Variants in SAMD11 observed in about 807,000 individuals in gnomAD.
SAMD11 encodes the protein sterile alpha motif domain-containing protein 11.
A neutral mutation model predicts 64.4 loss-of-function variants in SAMD11; 77 were observed. That is an observed-to-expected ratio of 1.20 (90% CI 0.99 to 1.44). The LOEUF (loss-of-function observed/expected upper bound fraction) is 1.44. SAMD11 is among the 40% of genes most tolerant of loss of function. The pLI is 0.00. For missense variants in SAMD11, 1,402 were observed against 943.3 expected, an observed-to-expected ratio of 1.49 and a Z score of -6.37; for synonymous variants, 658 against 421.9, an observed-to-expected ratio of 1.56 and a Z score of -6.86.
chr1:942,660 A>T lies in SAMD11; in HGVS notation c.1655A>T (p.Glu552Val). 1 of 1,432,564 alleles carries T rather than the reference A, an allele frequency of 7.0e-7. No homozygotes were observed. The highest frequency in any genetic ancestry group is 9.1e-7 in the Non-Finnish European group (1 of 1,100,582). 88.7% of individuals were successfully genotyped at this position (1,432,564 alleles called of 1,614,324 possible). The change falls in exon 11 of 14, where the codon GAG becomes GTG. Residue 552 changes from glutamate to valine, a missense_variant. Transcript: ENST00000616016. ...GCCCTGCGCCCCAACGACGGCGCCGAGGAGCTGCAGCGGCGCGGGGCCCTG... is the reference window on the plus strand; with the variant it reads ...GCCCTGCGCCCCAACGACGGCGCCGTGGAGCTGCAGCGGCGCGGGGCCCTG... ...ETALRPNDGA[E>V]ELQRRGALLV...
chr1:944,555 A>T lies in SAMD11; in HGVS notation c.*402A>T, dbSNP rs747146693. On this transcript the variant is annotated 3_prime_UTR_variant, in exon 14 of 14. Transcript: ENST00000616016. Reference sequence around the variant, plus strand: ...CGATACGTTTGGTCTTTCATGCTGAAAAATAAATAATAAAGCCTGTCCCGT... The same window carrying T: ...CGATACGTTTGGTCTTTCATGCTGATAAATAAATAATAAAGCCTGTCCCGT... 4.7e-6 allele frequency: 3 copies of T among 634,706 alleles called. No individual in the cohort carries two copies. Among genetic ancestry groups the T allele is most frequent in the Non-Finnish European group, 8.0e-6 (3 of 375,268 alleles). The allele number at this position is 634,706 out of a possible 1,614,324, so 39.3% of individuals were successfully genotyped here. A position where few individuals can be genotyped will look rare whatever the true frequency, so the allele number is the denominator to read the frequency against.
rs953404644 is a variant in SAMD11, at chr1:924,416, G to C, written c.-16G>C. ...GCCGCCGGCGGAGAGCGGGGCTGCGGAGCCACCGGGGCGCCATGCCGGCGG... is the reference window on the plus strand; with the variant it reads ...GCCGCCGGCGGAGAGCGGGGCTGCGCAGCCACCGGGGCGCCATGCCGGCGG... On this transcript the variant is annotated 5_prime_UTR_variant, in exon 1 of 14. Transcript: ENST00000616016. The C allele has an allele frequency of 1.3e-5, 2 of 149,628 alleles. No homozygotes were observed. The highest frequency in any genetic ancestry group is 3.0e-5 in the Non-Finnish European group (2 of 67,002). 9.3% of individuals were successfully genotyped at this position (149,628 alleles called of 1,614,324 possible). A position where few individuals can be genotyped will look rare whatever the true frequency, so the allele number is the denominator to read the frequency against.
chr1:942,273 C>T (rs770634724), intron 9 of SAMD11, 22 bp downstream of exon 9: 6 of 1,058,588 alleles, frequency 5.7e-6, no homozygotes, highest in Admixed American at 3.8e-5. Flanking sequence ...GGTGCGCATC[C>T]CCTGGGAGCC....
intron 9 of SAMD11, 24 bp downstream of exon 9, chr1:942,275 C>A: frequency 9.3e-7 from 1 of 1,070,450 alleles, no homozygotes; most frequent in Non-Finnish European, 1.3e-6. Flanking sequence ...TGCGCATCCC[C>A]TGGGAGCCCG....
intron 2 of SAMD11, among the ~76,000 whole-genome samples, chr1:928,128 G>T (rs7410984): frequency 0.19 from 28,748 of 151,984 alleles, 4,159 homozygotes; most frequent in African/African-American, 0.4. Context: ...GTGTGGTGGC[G>T]CATGCCTGTA....
In SAMD11 at chr1:943,979, C is replaced by T. The variant is rs1387217327; in HGVS notation, c.2361C>T (p.Thr787=). The T allele has an allele frequency of 1.9e-6, 3 of 1,612,824 alleles. No homozygotes were observed. The highest frequency in any genetic ancestry group is 1.3e-5 in the African/African-American group (1 of 75,062). Residue 787 remains threonine, a synonymous_variant, in exon 14 of 14, where the codon ACC becomes ACT. Coordinates refer to ENST00000616016, the MANE Select transcript of SAMD11 (RefSeq NM_001385641.1). ...FPVALPLQPP[T]LRAPERELGT... ...TGGCTCTGCCACTGCAGCCACCAACCCTGCGGGCCCCGGAGCGAGAACTCG... is the reference window on the plus strand; with the variant it reads ...TGGCTCTGCCACTGCAGCCACCAACTCTGCGGGCCCCGGAGCGAGAACTCG...
chr1:944,435 G>A lies in SAMD11; in HGVS notation c.*282G>A. Reference sequence around the variant, plus strand: ...CTGGAACTGGGACTGGTCTCGGTCTGCTGACGTCAGGGTCAGCTCCCCCGC... The same window carrying A: ...CTGGAACTGGGACTGGTCTCGGTCTACTGACGTCAGGGTCAGCTCCCCCGC... On this transcript the variant is annotated 3_prime_UTR_variant, in exon 14 of 14. Transcript: ENST00000616016. 3.9e-6 allele frequency: 4 copies of A among 1,013,080 alleles called. No individual in the cohort carries two copies. The highest frequency in any genetic ancestry group is 4.1e-5 in the South Asian group (2 of 48,444). 62.8% of individuals were successfully genotyped at this position (1,013,080 alleles called of 1,614,324 possible). A position where few individuals can be genotyped will look rare whatever the true frequency, so the allele number is the denominator to read the frequency against.
At chr1:939,922 C>T (rs576396306) in intron 7 of SAMD11, among the ~76,000 whole-genome samples, 1 of 152,242 alleles carries the variant, frequency 6.6e-6, no homozygotes, top group East Asian at 2.0e-4. Context: ...GGGGCTGCCC[C>T]TTCCCCCGGG....
rs547912043 is a variant in SAMD11 at position 943,952 on chromosome 1, C to A, written c.2334C>A (p.Pro778=). Residue 778 remains proline (P), a synonymous_variant, in exon 14 of 14, where the codon CCC becomes CCA. Transcript: ENST00000616016. ...LGRVFYVASF[P]VALPLQPPTL... ...GAGTTTTCTACGTGGCCAGCTTCCC[C>A]GTGGCTCTGCCACTGCAGCCACCAA... The A allele has an allele frequency of 5.0e-6, 8 of 1,612,682 alleles. No individual in the cohort carries two copies. Among genetic ancestry groups the A allele is most frequent in the African/African-American group, 1.3e-5 (1 of 75,028 alleles).
intron 5 of SAMD11, among the ~76,000 whole-genome samples, 194 bp downstream of exon 5, chr1:936,090 T>TCCGCTGTGGCTG (rs1339948392): frequency 6.6e-6 from 1 of 152,192 alleles, no homozygotes; most frequent in South Asian, 2.1e-4. Context: ...AGGCGGTGGC[T>TCCGCTGTGGCTG]CCGCTGTGGC....
rs770278990 is a variant in SAMD11, at chr1:943,906, A to C, written c.2290-2A>C. 1 of 1,612,836 alleles carries C rather than the reference A, an allele frequency of 6.2e-7. No homozygotes were observed. Among genetic ancestry groups the C allele is most frequent in the Admixed American group, 1.7e-5 (1 of 60,018 alleles). ...AGCCCCCACCAGGCCATCTCTCTGC[A>C]GGTGGCCAGGCGCCTGGGCCGAGTT... On this transcript the variant is annotated splice_acceptor_variant, in intron 13 of 13. Transcript: ENST00000616016. LOFTEE classifies it high-confidence loss of function.
Position 939,400 on chromosome 1 carries a change from C to T in SAMD11, c.1183C>T (p.Leu395Phe), listed in dbSNP as rs1444022291. 1.4e-6 allele frequency: 2 copies of T among 1,442,126 alleles called. No homozygotes were observed. 89.3% of individuals were successfully genotyped at this position (1,442,126 alleles called of 1,614,324 possible). ...CCCTCAGCGCCTCTACCACCTGGGC[C>T]TCCCCAGCCACGGTGAGGACCCACC... ...EDPQRLYHLG[L>F]PSHDLLRVRQ... Residue 395 changes from leucine (L) to phenylalanine (F), a missense_variant, in exon 7 of 14, where the codon CTC (leucine) becomes TTC (phenylalanine). Leu to Phe is a conservative substitution (Grantham distance 22). Transcript: ENST00000616016.
In SAMD11 at chr1:943,069, C is replaced by G. The variant is rs1322070717; in HGVS notation, c.2053+11C>G. The G allele has an allele frequency of 2.0e-6, 3 of 1,537,910 alleles. No individual in the cohort carries two copies. The highest frequency in any genetic ancestry group is 2.6e-6 in the Non-Finnish European group (3 of 1,142,884). On this transcript the variant is annotated intron_variant, in intron 11 of 13. Coordinates refer to ENST00000616016, the MANE Select transcript of SAMD11 (RefSeq NM_001385641.1). ...CCTACTTCCACACAGGTGGGCACCC[C>G]CACACTCTAGATCCTTCCAGAGGGC...
At chr1:940,540 C>G (rs1046126418) in intron 7 of SAMD11, 1 of 152,384 alleles carries the variant, frequency 6.6e-6, no homozygotes, top group Non-Finnish European at 1.5e-5. Flanking sequence ...TCGGGAGGCC[C>G]GGGCGGGAGG....
Position 943,771 on chromosome 1 carries a change from G to T in SAMD11, c.2252G>T (p.Gly751Val), listed in dbSNP as rs1373974343. The T allele has an allele frequency of 6.2e-6, 10 of 1,612,524 alleles. No homozygotes were observed. The highest frequency in any genetic ancestry group is 8.5e-6 in the Non-Finnish European group (10 of 1,179,892). ...GAGGAGCACCTGCTGACCAACATGG[G>T]GCTGAAGCTGGGGCCCGCCCTCAAG... The part of the protein sequence containing the change: ...LTEEHLLTNM[G>V]LKLGPALKIR... The change falls in exon 13 of 14, where the codon GGG becomes GTG. Residue 751 changes from glycine to valine, a missense_variant. Physicochemically the swap from Gly to Val is moderately radical, Grantham distance 109. Coordinates refer to ENST00000616016, the MANE Select transcript of SAMD11 (RefSeq NM_001385641.1).
rs376881461 is a variant in SAMD11 at position 938,395 on chromosome 1, CAGAGCCT to C, written c.968-644_968-638del. Among the ~76,000 whole-genome samples the C allele has an allele frequency of 1.7e-3, 264 of 152,300 alleles. 1 individual carries two copies. The highest frequency in any genetic ancestry group is 6.2e-3 in the African/African-American group (259 of 41,578). ...TACTGGGAGGTGCACCCCAGAAGCC[CAGAGCCT>C]GGCTGGGCTGGTGGACAAGGGCATG... On this transcript the variant is annotated intron_variant, in intron 5 of 13. Transcript: ENST00000616016.
At chr1:928,865 G>A (rs1641033469) in intron 2 of SAMD11, among the ~76,000 whole-genome samples, 1 of 152,246 alleles carries the variant, frequency 6.6e-6, no homozygotes, top group African/African-American at 2.4e-5. Context: ...CTGGGGCTGT[G>A]CATTTGAAGG....
Position 941,598 on chromosome 1 carries a change from A to C in SAMD11, c.1358+292A>C, listed in dbSNP as rs1641769525. ...TCAGTCGGGAGGGGTCGGCCAGAGG[A>C]CTCAGAGCTGGAGGCGGAGGGGGGG... On this transcript the variant is annotated intron_variant, in intron 8 of 13. Coordinates refer to ENST00000616016, the MANE Select transcript of SAMD11 (RefSeq NM_001385641.1). 2.0e-5 allele frequency among the ~76,000 whole-genome samples: 3 copies of C among 151,720 alleles called. No homozygotes were observed. The South Asian group carries it at 6.2e-4, about 32-fold the overall frequency.
At chr1:935,147 G>A (rs1641363233) in intron 4 of SAMD11, among the ~76,000 whole-genome samples, 1 of 152,122 alleles carries the variant, frequency 6.6e-6, no homozygotes, top group South Asian at 2.1e-4. Flanking sequence ...GGAGAAATGA[G>A]GGAAGAAAAG....
Sources: allele counts gnomAD v4.1 joint callset (sites outside exome capture counted in the v4.1 genomes callset), GRCh38; gene constraint gnomAD v4.1.1; transcripts MANE v1.5; gene names NCBI Gene and HGNC (gene_info 2026-07-23, HGNC 2026-07-21).